Variants in ZFYVE26 observed in about 807,000 individuals in gnomAD.
ZFYVE26 encodes zinc finger FYVE domain-containing protein 26.
ZFYVE26 carries 181 observed loss-of-function variants against 276.5 expected under a neutral mutation model. The ratio of observed to expected loss-of-function variants is 0.65; its 90% CI spans 0.58 to 0.74. The LOEUF (loss-of-function observed/expected upper bound fraction) is 0.74, where lower values mean the gene tolerates loss of function less well. ZFYVE26 is among the 30% of genes least tolerant of loss of function. The probability of loss-of-function intolerance (pLI) is 0.00; values close to 1 mark genes in which losing one functional copy is unlikely to be tolerated. For synonymous variants in ZFYVE26, 1,129 were observed against 1,203.1 expected, an observed-to-expected ratio of 0.94 and a Z score of 1.27; for missense variants, 2,821 against 3,097.9, an observed-to-expected ratio of 0.91 and a Z score of 2.12.
chr14:67,754,051 G>A lies in ZFYVE26; in HGVS notation c.7128+20C>T. 1.2e-6 allele frequency: 2 copies of A among 1,614,194 alleles called. No homozygotes were observed. The highest frequency in any genetic ancestry group is 8.5e-7 in the Non-Finnish European group (1 of 1,180,040). The stretch of plus-strand genomic sequence containing the variant: ...AAAAGATGACAATAGTCTGCCAGAG[G>A]TCTGAAACGCTGCATGTACCTTGCA... On this transcript the variant is annotated intron_variant, in intron 38 of 41. Coordinates refer to ENST00000347230, the MANE Select transcript of ZFYVE26 (RefSeq NM_015346.4).
At chr14:67,812,265 G>T (rs1659029009) in intron 3 of ZFYVE26, among the ~76,000 whole-genome samples, 1 of 152,146 alleles carries the variant, frequency 6.6e-6, no homozygotes, top group African/African-American at 2.4e-5. Flanking sequence ...TCTAATAGAA[G>T]TAGCATAGAC....
chr14:67,798,963 G>C (rs1018705284), intron 10 of ZFYVE26: 5 of 1,129,112 alleles, frequency 4.4e-6, no homozygotes, highest in African/African-American at 1.5e-5. Flanking sequence ...CCGCGGTTTC[G>C]GTGGGAGGGG....
intron 30 of ZFYVE26, 42 bp downstream of exon 30, chr14:67,768,475 G>T: frequency 6.2e-7 from 1 of 1,606,842 alleles, no homozygotes; most frequent in Non-Finnish European, 8.5e-7. Flanking sequence ...GTCAACTTAA[G>T]TACACAAATG....
At chr14:67,765,822 G>A (rs186447320) in intron 32 of ZFYVE26, among the ~76,000 whole-genome samples, 72 of 152,320 alleles carry the variant, frequency 4.7e-4, no homozygotes, top group Admixed American at 3.6e-3. Flanking sequence ...ATTTGGTCAG[G>A]ATTGGAGTAG....
In ZFYVE26 at chr14:67,748,042, C is replaced by A; in HGVS notation, c.*394G>T. The A allele has an allele frequency of 4.1e-6, 1 of 246,908 alleles. No homozygotes were observed. The highest frequency in any genetic ancestry group is 8.0e-6 in the Non-Finnish European group (1 of 125,494). The allele number at this position is 246,908 out of a possible 1,614,324, so 15.3% of individuals were successfully genotyped here. On this transcript the variant is annotated 3_prime_UTR_variant, in exon 42 of 42. Coordinates refer to ENST00000347230, the MANE Select transcript of ZFYVE26 (RefSeq NM_015346.4). ...GGACAACCCGGGTCAAGAACCAAAACGCAGGGAAGGTTTTCAGAGTGGCAA... is the reference window on the plus strand; with the variant it reads ...GGACAACCCGGGTCAAGAACCAAAAAGCAGGGAAGGTTTTCAGAGTGGCAA...
intron 13 of ZFYVE26, chr14:67,729,871 A>G (rs750568885): frequency 1.8e-5 from 8 of 453,124 alleles, no homozygotes; most frequent in Non-Finnish European, 3.1e-5. Flanking sequence ...TCATGAACTC[A>G]ATGAGCAACT....
intron 38 of ZFYVE26, 127 bp downstream of exon 38, chr14:67,753,944 G>A: frequency 6.5e-7 from 1 of 1,539,914 alleles, no homozygotes; most frequent in Non-Finnish European, 9.0e-7. Context: ...AGTCTTTGGT[G>A]GCTCATATTC....
intron 10 of ZFYVE26, 48 bp from the exon 11 acceptor site, chr14:67,798,670 G>A (rs201212923): frequency 6.2e-7 from 1 of 1,610,548 alleles, no homozygotes; most frequent in Admixed American, 1.7e-5. Context: ...AGAAGACAGA[G>A]AATGCAAACA....
Position 67,789,597 on chromosome 14 carries a change from T to C in ZFYVE26, c.2757A>G (p.Gly919=). 1 of 1,614,096 alleles carries C rather than the reference T, an allele frequency of 6.2e-7. No individual in the cohort carries two copies. The highest frequency in any genetic ancestry group is 8.5e-7 in the Non-Finnish European group (1 of 1,180,026). ...LQAIGSAAAA[G]MVFYSISDVT... ...CGTCAGAGATAGAGTAAAACACCAT[T>C]CCTGGCCGCCCAGCAGAGGAATAAA... is the stretch of plus-strand genomic sequence containing the variant. The change falls in exon 16 of 42, where the codon GGA becomes GGG. Residue 919 remains glycine (G), a splice_region_variant and synonymous_variant. Coordinates refer to ENST00000347230, the MANE Select transcript of ZFYVE26 (RefSeq NM_015346.4).
downstream of ZFYVE26, among the ~76,000 whole-genome samples, chr14:67,745,474 G>GTT (rs568955491): frequency 1.4e-5 from 2 of 141,058 alleles, no homozygotes; most frequent in Non-Finnish European, 1.6e-5. Flanking sequence ...AGTATAGTTT[G>GTT]TTTTTTTTTT....
chr14:67,779,626 G>C (rs561939021), intron 23 of ZFYVE26, among the ~76,000 whole-genome samples: 1 of 152,144 alleles, frequency 6.6e-6, no homozygotes, highest in African/African-American at 2.4e-5. Context: ...TGGGAACTGC[G>C]AGTGGGAGTG....
Position 67,754,214 on chromosome 14 carries a change from TGTG to T in ZFYVE26, c.6987-5_6987-3del, listed in dbSNP as rs2140183228. ...TGCAGCTGAAGTGTGTTCATGTGCC[TGTG>T]GTGACAGAATATGCACAGTCCAGCC... On this transcript the variant is annotated splice_region_variant and splice_polypyrimidine_tract_variant and intron_variant, in intron 37 of 41. Coordinates refer to ENST00000347230, the MANE Select transcript of ZFYVE26 (RefSeq NM_015346.4). The T allele has an allele frequency of 1.2e-6, 2 of 1,614,194 alleles. No individual in the cohort carries two copies.
At position 67,789,577 on chromosome 14, in the gene ZFYVE26, G is replaced by C. The variant is rs769154501; in HGVS notation, c.2777C>G (p.Ser926Cys). ...GTTGAGCAGCTTGTCAGTCACGTCA[G>C]AGATAGAGTAAAACACCATTCCTGG... is the stretch of plus-strand genomic sequence containing the variant. The part of the protein sequence containing the change: ...AAAGMVFYSI[S>C]DVTDKLLNTS... Residue 926 changes from serine (S) to cysteine (C), a missense_variant, in exon 16 of 42, where the codon TCT (serine) becomes TGT (cysteine). Ser to Cys is a moderately radical substitution (Grantham distance 112). Coordinates refer to ENST00000347230, the MANE Select transcript of ZFYVE26 (RefSeq NM_015346.4). 31 of 1,614,062 alleles carry C rather than the reference G, an allele frequency of 1.9e-5. No homozygotes were observed. The Admixed American group carries it at 5.2e-4, about 27-fold the overall frequency.
At chr14:67,770,057 T>A (rs1706903203) in intron 28 of ZFYVE26, 1 of 389,238 alleles carries the variant, frequency 2.6e-6, no homozygotes, top group Non-Finnish European at 4.9e-6. Context: ...CAGATCACAT[T>A]TCTACATGGT....
rs143925214 is a variant in ZFYVE26 at position 67,751,668 on chromosome 14, C to T, written c.7372-572G>A. 797 of 176,766 alleles carry T rather than the reference C, an allele frequency of 4.5e-3. 41 individuals are homozygous for T. In the East Asian group the frequency reaches 0.097, roughly 22 times the overall value. The allele number at this position is 176,766 out of a possible 1,614,324, so 10.9% of individuals were successfully genotyped here. A position where few individuals can be genotyped will look rare whatever the true frequency, so the allele number is the denominator to read the frequency against. ...GTGGGTAGATCATGAGGTCAGGAGA[C>T]GGAGACCATCCTGGCTAACATGGTG... On this transcript the variant is annotated intron_variant, in intron 40 of 41. Coordinates refer to ENST00000347230, the MANE Select transcript of ZFYVE26 (RefSeq NM_015346.4).
intron 7 of ZFYVE26, 44 bp downstream of exon 7, chr14:67,805,410 G>A (rs756305306): frequency 8.7e-6 from 14 of 1,613,882 alleles, no homozygotes; most frequent in South Asian, 6.6e-5. Flanking sequence ...GAAGCCCCAC[G>A]TCTCTCACTT....
chr14:67,749,834 C>T (rs2038588299), intron 41 of ZFYVE26, among the ~76,000 whole-genome samples: 1 of 152,172 alleles, frequency 6.6e-6, no homozygotes. Context: ...AAGCTAAATA[C>T]ATATCACAAG....
chr14:67,759,418 T>G (rs7159464), intron 35 of ZFYVE26, among the ~76,000 whole-genome samples: 149,771 of 152,086 alleles, frequency 0.98, 73,776 homozygotes, highest in East Asian at 1. Context: ...AAGGTCAAGA[T>G]ATCGAGACCA....
chr14:67,785,914 A>G lies in ZFYVE26; in HGVS notation c.3248T>C (p.Leu1083Pro). The G allele has an allele frequency of 6.2e-7, 1 of 1,613,172 alleles. No homozygotes were observed. Residue 1083 changes from leucine (L) to proline (P), a missense_variant, in exon 18 of 42, where the codon CTC becomes CCC. Coordinates refer to ENST00000347230, the MANE Select transcript of ZFYVE26 (RefSeq NM_015346.4). The stretch of plus-strand genomic sequence containing the variant: ...AAGGACCTGATCTAGCTGCTGGGAG[A>G]GGGTGGTGTGGCTGGCAACACAGTC... ...SEDCVASHTTLSQQLDQVLQS... is the reference protein window; with the variant it reads ...SEDCVASHTTPSQQLDQVLQS...
Sources: allele counts gnomAD v4.1 joint callset (sites outside exome capture counted in the v4.1 genomes callset), GRCh38; gene constraint gnomAD v4.1.1; transcripts MANE v1.5; gene names NCBI Gene and HGNC (gene_info 2026-07-23, HGNC 2026-07-21).